The following FRMD5 variants were observed in gnomAD, a reference collection of about 807,000 sequenced individuals.
The protein encoded by FRMD5 is FERM domain-containing protein 5.
FRMD5 carries 20 observed loss-of-function variants against 69.0 expected under a neutral mutation model. That is an observed-to-expected ratio of 0.29 (90% confidence interval 0.20 to 0.42). The LOEUF is 0.42. FRMD5 is among the 10% of genes least tolerant of loss of function. FRMD5 has a pLI of 1.00. For missense variants in FRMD5, 595 were observed against 708.6 expected, an observed-to-expected ratio of 0.84 and a Z score of 1.82; for synonymous variants, 271 against 260.1, an observed-to-expected ratio of 1.04 and a Z score of -0.40.
intron 2 of FRMD5, among the ~76,000 whole-genome samples, chr15:43,922,831 C>T (rs1481615269): frequency 2.0e-5 from 3 of 152,024 alleles, no homozygotes; most frequent in African/African-American, 2.4e-5. Context: ...CCACCATTTC[C>T]GCGAATTTTT....
intron 13 of FRMD5, among the ~76,000 whole-genome samples, chr15:43,878,088 G>A (rs1595471496): frequency 6.6e-6 from 1 of 151,890 alleles, no homozygotes; most frequent in Admixed American, 6.6e-5. Context: ...CTGCAGCCTC[G>A]ACCTCCCAGG....
At chr15:43,905,698 G>T in intron 6 of FRMD5, 130 bp downstream of exon 6, 1 of 1,170,596 alleles carries the variant, frequency 8.5e-7, no homozygotes, top group Non-Finnish European at 1.2e-6. Flanking sequence ...TACATCCGCG[G>T]TCAGGAAGGC....
At chr15:44,092,994 C>CA (rs1464240401) in intron 1 of FRMD5, among the ~76,000 whole-genome samples, 25 of 127,916 alleles carry the variant, frequency 2.0e-4, no homozygotes, top group African/African-American at 7.1e-4. Flanking sequence ...TGCAGTGGCA[C>CA]AATCTCGGCT....
chr15:44,104,275 G>A (rs2140541312), intron 1 of FRMD5, among the ~76,000 whole-genome samples: 1 of 152,216 alleles, frequency 6.6e-6, no homozygotes, highest in South Asian at 2.1e-4. Flanking sequence ...TTTTAAGCTA[G>A]GTGTTATTAT....
At chr15:43,971,366 C>T (rs2090374500) in intron 1 of FRMD5, among the ~76,000 whole-genome samples, 1 of 151,890 alleles carries the variant, frequency 6.6e-6, no homozygotes. Context: ...TAAACCTGTC[C>T]CTCAGAGAGT....
Position 44,024,219 on chromosome 15 carries a change from AT to A in FRMD5, c.103-99911del, listed in dbSNP as rs560729463. ...AGATCATTTGTTTTAACTCCCTATGATTTTTTTTTTTATGATTTTCGACTGT... is the reference window on the plus strand; with the variant it reads ...AGATCATTTGTTTTAACTCCCTATGATTTTTTTTTTATGATTTTCGACTGT... On this transcript the variant is annotated intron_variant, in intron 1 of 13. Coordinates refer to ENST00000417257, the MANE Select transcript of FRMD5 (RefSeq NM_032892.5). Among the ~76,000 whole-genome samples, 620 of 147,114 alleles carry A rather than the reference AT, an allele frequency of 4.2e-3. 7 individuals are homozygous for A. The highest frequency in any genetic ancestry group is 8.2e-3 in the East Asian group (37 of 4,504).
intron 1 of FRMD5, among the ~76,000 whole-genome samples, chr15:43,934,838 C>T (rs2089732477): frequency 6.6e-6 from 1 of 152,212 alleles, no homozygotes; most frequent in African/African-American, 2.4e-5. Flanking sequence ...AGCAGCGGGA[C>T]TGCTGGATTT....
At chr15:44,030,651 T>C (rs1001224833) in intron 1 of FRMD5, among the ~76,000 whole-genome samples, 4 of 152,078 alleles carry the variant, frequency 2.6e-5, no homozygotes, top group African/African-American at 9.7e-5. Context: ...CAATGGCAAC[T>C]CCACCTTGTA....
intron 1 of FRMD5, among the ~76,000 whole-genome samples, chr15:44,010,346 C>A (rs1398003971): frequency 2.0e-5 from 3 of 152,006 alleles, no homozygotes; most frequent in African/African-American, 7.2e-5. Context: ...ACAGTGATGA[C>A]TAACCTCAGA....
rs1167867396 is a variant in FRMD5 at position 43,910,572 on chromosome 15, C to CAAAAAAAA, written c.330-601_330-594dup. Among the ~76,000 whole-genome samples, 154 of 40,344 alleles carry CAAAAAAAA rather than the reference C, an allele frequency of 3.8e-3. 9 individuals carry two copies. The East Asian group carries it at 0.041, about 11-fold the overall frequency. 26.5% of individuals were successfully genotyped at this position (40,344 alleles called of 152,430 possible). A position where few individuals can be genotyped will look rare whatever the true frequency, so the allele number is the denominator to read the frequency against. Reference sequence around the variant, plus strand: ...CTGGGCAATCGGAGAGACCTTGTCTCAAAAAAAAAAAAAAAAAAAAAAAAA... The same window carrying CAAAAAAAA: ...CTGGGCAATCGGAGAGACCTTGTCTCAAAAAAAAAAAAAAAAAAAAAAAAAAAAAAAAA... On this transcript the variant is annotated intron_variant, in intron 4 of 13. Transcript: ENST00000417257.
At chr15:44,182,930 G>A (rs1276400959) in intron 1 of FRMD5, among the ~76,000 whole-genome samples, 1 of 151,844 alleles carries the variant, frequency 6.6e-6, no homozygotes, top group Admixed American at 6.6e-5. Flanking sequence ...CCAGTAGCTG[G>A]GACTACAGGC....
intron 1 of FRMD5, among the ~76,000 whole-genome samples, chr15:43,996,827 C>T (rs1167487754): frequency 3.5e-5 from 5 of 143,750 alleles, no homozygotes; most frequent in Non-Finnish European, 7.5e-5. Context: ...TATCCTGGAT[C>T]TACTGAAAGC....
intron 1 of FRMD5, among the ~76,000 whole-genome samples, chr15:44,093,931 C>A (rs903250927): frequency 6.6e-5 from 10 of 152,124 alleles, no homozygotes; most frequent in Admixed American, 4.6e-4. Flanking sequence ...TAATAAAAGT[C>A]TTCACCATTA....
At chr15:44,176,382 A>G (rs1377745072) in intron 1 of FRMD5, among the ~76,000 whole-genome samples, 1 of 152,168 alleles carries the variant, frequency 6.6e-6, no homozygotes, top group Non-Finnish European at 1.5e-5. Flanking sequence ...AAATTAACTC[A>G]AAGTTGATCA....
intron 1 of FRMD5, among the ~76,000 whole-genome samples, chr15:44,070,445 A>G (rs1332070883): frequency 6.6e-6 from 1 of 152,190 alleles, no homozygotes; most frequent in African/African-American, 2.4e-5. Flanking sequence ...ATCACAAAAG[A>G]ATGGATCTAA....
intron 7 of FRMD5, among the ~76,000 whole-genome samples, chr15:43,894,319 C>G (rs889036601): frequency 6.6e-6 from 1 of 151,948 alleles, no homozygotes; most frequent in South Asian, 2.1e-4. Flanking sequence ...AAGCAGGACC[C>G]GGGGAAGTCC....
intron 4 of FRMD5, among the ~76,000 whole-genome samples, chr15:43,912,101 A>G (rs1433086224): frequency 1.3e-5 from 2 of 152,170 alleles, no homozygotes; most frequent in African/African-American, 4.8e-5. Flanking sequence ...ACACCTTTTA[A>G]CAAGATCCCC....
At chr15:44,000,613 CCA>C (rs992316885) in intron 1 of FRMD5, among the ~76,000 whole-genome samples, 4 of 152,178 alleles carry the variant, frequency 2.6e-5, no homozygotes, top group African/African-American at 9.6e-5. Context: ...GCAAGTGCCA[CCA>C]CACCCAGCTA....
rs766503827 is a variant in FRMD5, at chr15:43,902,195, C to T, written c.619G>A (p.Val207Met). The T allele has an allele frequency of 6.2e-7, 1 of 1,613,816 alleles. No homozygotes were observed. The highest frequency in any genetic ancestry group is 1.1e-5 in the South Asian group (1 of 91,068). ...RKAQTLETYGVDPHPCKDVSG... is the reference protein window; with the variant it reads ...RKAQTLETYGMDPHPCKDVSG... ...CTTACCTTACATGGGTGAGGATCCA[C>T]TCCATATGTTTCCAATGTCTGTGCT... Residue 207 changes from valine to methionine, a missense_variant, in exon 7 of 14, where the codon GTG (valine) becomes ATG (methionine). Coordinates refer to ENST00000417257, the MANE Select transcript of FRMD5 (RefSeq NM_032892.5).
Sources: gnomAD v4.1 joint callset for allele counts (sites outside exome capture counted in the v4.1 genomes callset) on GRCh38, gnomAD v4.1.1 for gene constraint, MANE v1.5 for transcripts, NCBI Gene and HGNC (gene_info 2026-07-23, HGNC 2026-07-21) for gene names.